Variants in MYO18A observed in about 807,000 individuals in gnomAD.
The protein encoded by MYO18A is unconventional myosin-XVIIIa.
A neutral mutation model predicts 235.8 loss-of-function variants in MYO18A; 78 were observed. The ratio of observed to expected loss-of-function variants is 0.33; its 90% CI spans 0.28 to 0.40. MYO18A has a LOEUF of 0.40. MYO18A is among the 10% of genes least tolerant of loss of function. MYO18A has a pLI of 1.00. For synonymous variants in MYO18A, 977 were observed against 1,077.8 expected (o/e 0.91, Z 1.83); for missense variants, 2,215 against 2,699.3 (o/e 0.82, Z 3.98).
chr17:29,119,291 G>T, intron 8 of MYO18A, 44 bp downstream of exon 8: 1 of 1,472,380 alleles, frequency 6.8e-7, no homozygotes, highest in Non-Finnish European at 9.4e-7. Flanking sequence ...CAGTCAGTGG[G>T]CTGGAGTTCA....
In MYO18A at chr17:29,086,932, T is replaced by C; in HGVS notation, c.5712+4A>G. 6.2e-7 allele frequency: 1 copy of C among 1,611,310 alleles called. No homozygotes were observed. Among genetic ancestry groups the C allele is most frequent in the South Asian group, 1.1e-5 (1 of 90,676 alleles). On this transcript the variant is annotated splice_donor_region_variant and intron_variant, in intron 38 of 41. Transcript: ENST00000527372. ...TGGGCCCCGTGGGGGACAGGGGGCA[T>C]TACCAGTTCGTGCTTCTTGCGGCTC...
chr17:29,097,496 G>A, intron 26 of MYO18A, 146 bp from the exon 27 acceptor site: 1 of 1,108,266 alleles, frequency 9.0e-7, no homozygotes, highest in Admixed American at 2.3e-5. Flanking sequence ...TCCTCCCAAG[G>A]CAGAAGGAGC....
At chr17:29,132,589 T>C (rs1008839394) in intron 2 of MYO18A, among the ~76,000 whole-genome samples, 2 of 152,194 alleles carry the variant, frequency 1.3e-5, no homozygotes, top group Non-Finnish European at 2.9e-5. Context: ...CATGATCCAC[T>C]TGGGGGGACT....
At chr17:29,136,913 G>A (rs1347261807) in intron 2 of MYO18A, 1 of 152,192 alleles carries the variant, frequency 6.6e-6, no homozygotes, top group African/African-American at 2.4e-5. Context: ...TGCAAAAAGG[G>A]AGACCCCACC....
chr17:29,080,614 G>A, intron 41 of MYO18A: 4 of 985,736 alleles, frequency 4.1e-6, no homozygotes, highest in Non-Finnish European at 4.8e-6. Flanking sequence ...ACTCAGGGAA[G>A]AGCCAGCCCT....
At chr17:29,156,259 G>C (rs1368962209) in intron 2 of MYO18A, among the ~76,000 whole-genome samples, 2 of 152,260 alleles carry the variant, frequency 1.3e-5, no homozygotes, top group African/African-American at 2.4e-5. Flanking sequence ...CAGCCAGTGA[G>C]ACAGGCGCAT....
intron 2 of MYO18A, among the ~76,000 whole-genome samples, chr17:29,162,300 C>T (rs1383647799): frequency 6.6e-6 from 1 of 152,224 alleles, no homozygotes; most frequent in Non-Finnish European, 1.5e-5. Flanking sequence ...TTAAAGTTCA[C>T]GTTCCCCAGC....
chr17:29,103,225 T>C lies in MYO18A; in HGVS notation c.3507+374A>G, dbSNP rs962296018. Reference sequence around the variant, plus strand: ...CACAGGGGCTCTACCCAAGGCCTCCTGCCTCTTCCAGCCCACATCCTCTGG... The same window carrying C: ...CACAGGGGCTCTACCCAAGGCCTCCCGCCTCTTCCAGCCCACATCCTCTGG... On this transcript the variant is annotated intron_variant, in intron 21 of 41. Transcript: ENST00000527372. Among the ~76,000 whole-genome samples, 10 of 152,354 alleles carry C rather than the reference T, an allele frequency of 6.6e-5. 1 individual carries two copies. The East Asian group carries it at 1.5e-3, about 24-fold the overall frequency.
At chr17:29,116,802 G>A (rs1026780946) in intron 10 of MYO18A, among the ~76,000 whole-genome samples, 4 of 140,132 alleles carry the variant, frequency 2.9e-5, no homozygotes, top group African/African-American at 1.1e-4. Flanking sequence ...GAAGATCGCT[G>A]TGCTGACACC....
At chr17:29,128,499 G>A (rs1402392710) in intron 2 of MYO18A, 2 of 1,286,342 alleles carry the variant, frequency 1.6e-6, no homozygotes, top group Admixed American at 2.3e-5. Context: ...GTGGGAGGCT[G>A]AGGACTCCTA....
At chr17:29,157,696 G>A (rs2068089669) in intron 2 of MYO18A, among the ~76,000 whole-genome samples, 1 of 152,168 alleles carries the variant, frequency 6.6e-6, no homozygotes, top group Admixed American at 6.5e-5. Flanking sequence ...TGAGAACAGT[G>A]CCTAACCTAC....
chr17:29,115,963 TG>T, intron 11 of MYO18A, 123 bp from the exon 12 acceptor site: 1 of 1,094,284 alleles, frequency 9.1e-7, no homozygotes, highest in Non-Finnish European at 1.3e-6. Context: ...TGACACCCGA[TG>T]GGCTTCAGGC....
Position 29,097,299 on chromosome 17 carries a change from G to T in MYO18A, c.4154C>A (p.Thr1385Asn). The part of the protein sequence containing the change: ...YERAVREVDF[T>N]KKRLQQEFED... Reference sequence around the variant, plus strand: ...AAACTCCTGCTGGAGCCGTTTCTTGGTGAAGTCCACCTCCCGCACAGCCCG... The same window carrying T: ...AAACTCCTGCTGGAGCCGTTTCTTGTTGAAGTCCACCTCCCGCACAGCCCG... Residue 1385 changes from threonine (T) to asparagine (N), a missense_variant, in exon 27 of 42, where the codon ACC becomes AAC. Coordinates refer to ENST00000527372, the MANE Select transcript of MYO18A (RefSeq NM_078471.4). 1.2e-6 allele frequency: 2 copies of T among 1,610,982 alleles called. No individual in the cohort carries two copies.
intron 39 of MYO18A, 34 bp from the exon 40 acceptor site, chr17:29,085,682 C>G (rs900815439): frequency 2.5e-6 from 4 of 1,611,264 alleles, no homozygotes; most frequent in Non-Finnish European, 3.4e-6. Flanking sequence ...GGCAAGGGGT[C>G]CAGAGGAAAC....
chr17:29,145,046 A>AT (rs2067818798), intron 2 of MYO18A, among the ~76,000 whole-genome samples: 1 of 152,232 alleles, frequency 6.6e-6, no homozygotes, highest in African/African-American at 2.4e-5. Context: ...TTTCACAACC[A>AT]TATAGTTGAA....
intron 1 of MYO18A, among the ~76,000 whole-genome samples, chr17:29,173,536 C>T (rs1449260588): frequency 1.3e-5 from 2 of 151,478 alleles, no homozygotes; most frequent in African/African-American, 2.4e-5. Flanking sequence ...TACAGGCGCC[C>T]GCCACCGCGC....
In MYO18A at chr17:29,158,087, C is replaced by T. The variant is rs542171162; in HGVS notation, c.999+7855G>A. On this transcript the variant is annotated intron_variant, in intron 2 of 41. Coordinates refer to ENST00000527372, the MANE Select transcript of MYO18A (RefSeq NM_078471.4). This position sits in a 1 kb window ranked among gnomAD's most constrained non-coding sequence, Gnocchi z 4.3. The stretch of plus-strand genomic sequence containing the variant: ...GGGATTATAGACGTGAGCCACTGTG[C>T]CCTGCCTTGGCTGAGTCTTACCCAG... Among the ~76,000 whole-genome samples the T allele has an allele frequency of 1.3e-5, 2 of 152,302 alleles. No individual in the cohort carries two copies. The highest frequency in any genetic ancestry group is 2.4e-5 in the African/African-American group (1 of 41,558).
chr17:29,133,931 G>T, intron 2 of MYO18A: 1 of 1,137,466 alleles, frequency 8.8e-7, no homozygotes, highest in Non-Finnish European at 1.2e-6. Flanking sequence ...GAACCTGCCA[G>T]GATAAACACT....
intron 2 of MYO18A, among the ~76,000 whole-genome samples, chr17:29,148,508 T>G (rs2067895305): frequency 6.6e-6 from 1 of 151,998 alleles, no homozygotes. Flanking sequence ...AGTACTAGAG[T>G]CTACACCTGT....
Sources: gnomAD v4.1 joint callset for allele counts (sites outside exome capture counted in the v4.1 genomes callset) on GRCh38, gnomAD v4.1.1 for gene constraint, Gnocchi (gnomAD v3.1) non-coding constraint, MANE v1.5 for transcripts, NCBI Gene and HGNC (gene_info 2026-07-23, HGNC 2026-07-21) for gene names.